CDH12: variants seen among roughly 807,000 people sequenced by gnomAD.
The protein encoded by CDH12 is cadherin 12, also known as cadherin-12.
Under a neutral mutation model 74.1 loss-of-function variants are expected in CDH12, and 41 were observed. That is an observed-to-expected ratio of 0.55 (90% CI 0.43 to 0.72). CDH12 has a LOEUF of 0.72. CDH12 is among the 30% of genes least tolerant of loss of function. CDH12 has a pLI of 0.00. For synonymous variants in CDH12, 399 were observed against 355.0 expected, an observed-to-expected ratio of 1.12 and a Z score of -1.39; for missense variants, 945 against 977.2, an observed-to-expected ratio of 0.97 and a Z score of 0.44.
intron 2 of CDH12, among the ~76,000 whole-genome samples, chr5:22,460,200 T>C (rs1179890714): frequency 3.3e-5 from 5 of 152,230 alleles, no homozygotes; most frequent in Non-Finnish European, 7.3e-5. Context: ...GGTTTTGTTT[T>C]ACTTTTACCT....
intron 5 of CDH12, among the ~76,000 whole-genome samples, chr5:22,069,367 A>G (rs2150214762): frequency 6.6e-6 from 1 of 152,154 alleles, no homozygotes; most frequent in East Asian, 1.9e-4. Context: ...TCTCTAGGAG[A>G]CTAAAAATGC....
chr5:22,266,353 G>A (rs763483095), intron 3 of CDH12, among the ~76,000 whole-genome samples: 6 of 152,044 alleles, frequency 3.9e-5, no homozygotes, highest in Admixed American at 2.0e-4. Flanking sequence ...GATTACAGGT[G>A]TGAGCCACCA....
chr5:22,678,482 T>C (rs1264662432), intron 1 of CDH12, among the ~76,000 whole-genome samples: 1 of 152,170 alleles, frequency 6.6e-6, no homozygotes, highest in Admixed American at 6.6e-5. Context: ...TCATAAAGAA[T>C]GAATGAATGG....
At chr5:22,142,191 T>C (rs1746840827) in intron 4 of CDH12, among the ~76,000 whole-genome samples, 1 of 152,148 alleles carries the variant, frequency 6.6e-6, no homozygotes, top group Non-Finnish European at 1.5e-5. Context: ...TAAAGTTGAA[T>C]ATAAACAGAA....
At chr5:22,665,393 A>G (rs947897936) in intron 1 of CDH12, among the ~76,000 whole-genome samples, 4 of 152,206 alleles carry the variant, frequency 2.6e-5, no homozygotes, top group African/African-American at 9.6e-5. Flanking sequence ...AACTGGAGGA[A>G]AGTGAATTAT....
intron 1 of CDH12, among the ~76,000 whole-genome samples, chr5:22,737,541 T>A (rs1424440870): frequency 5.9e-5 from 9 of 151,880 alleles, no homozygotes; most frequent in Admixed American, 5.9e-4. Flanking sequence ...TTAATAAGAC[T>A]TAGCTGAAAG....
chr5:21,845,031 A>ATAGAT (rs1750089539), intron 7 of CDH12, among the ~76,000 whole-genome samples: 3 of 149,888 alleles, frequency 2.0e-5, no homozygotes, highest in African/African-American at 5.0e-5. Context: ...AGATAGATAG[A>ATAGAT]TAGATTAGAT....
At chr5:22,242,349 T>C (rs1240295361) in intron 3 of CDH12, among the ~76,000 whole-genome samples, 1 of 152,188 alleles carries the variant, frequency 6.6e-6, no homozygotes, top group Non-Finnish European at 1.5e-5. Flanking sequence ...AAATGACACT[T>C]CTATATTTTT....
chr5:22,298,721 A>T (rs1033934221), intron 3 of CDH12, among the ~76,000 whole-genome samples: 2 of 152,212 alleles, frequency 1.3e-5, no homozygotes, highest in Non-Finnish European at 2.9e-5. Context: ...CTGCCAAGAT[A>T]CTTGCTATGG....
At chr5:22,545,809 G>T (rs964496928) in intron 1 of CDH12, among the ~76,000 whole-genome samples, 42 of 152,236 alleles carry the variant, frequency 2.8e-4, no homozygotes, top group African/African-American at 9.6e-4. Flanking sequence ...AGTACAAGGT[G>T]AAATCACAGC....
chr5:22,675,886 T>TATATATATATATATATAC (rs1364470668), intron 1 of CDH12, among the ~76,000 whole-genome samples: 1 of 145,268 alleles, frequency 6.9e-6, no homozygotes, highest in Admixed American at 7.0e-5. Context: ...TATATATATA[T>TATATATATATATATATAC]ACTTTTGTTT....
At chr5:22,846,390 C>A (rs1369842920) in intron 1 of CDH12, among the ~76,000 whole-genome samples, 1 of 152,090 alleles carries the variant, frequency 6.6e-6, no homozygotes, top group East Asian at 1.9e-4. Context: ...GATGCAATTA[C>A]CCCTTCAGTG....
chr5:22,382,831 T>G (rs1208929386), intron 3 of CDH12, among the ~76,000 whole-genome samples: 1 of 152,066 alleles, frequency 6.6e-6, no homozygotes, highest in Non-Finnish European at 1.5e-5. Context: ...TTATTATTAT[T>G]ATTATTATTA....
chr5:21,862,860 C>T (rs1349051070), intron 6 of CDH12, among the ~76,000 whole-genome samples: 1 of 152,016 alleles, frequency 6.6e-6, no homozygotes, highest in Non-Finnish European at 1.5e-5. Context: ...ATCACTCTGC[C>T]ATTGTCTTAA....
At chr5:21,978,418 T>C (rs1757160112) in intron 5 of CDH12, among the ~76,000 whole-genome samples, 2 of 152,144 alleles carry the variant, frequency 1.3e-5, no homozygotes, top group Non-Finnish European at 2.9e-5. Context: ...GCTGGGATTA[T>C]CGGCATGAGC....
At position 22,305,828 on chromosome 5, in the gene CDH12, C is replaced by G. The variant is rs764255703; in HGVS notation, c.-332-93185G>C. Among the ~76,000 whole-genome samples the G allele has an allele frequency of 2.0e-5, 3 of 152,340 alleles. No homozygotes were observed. In the South Asian group the frequency reaches 6.2e-4, roughly 32 times the overall value. On this transcript the variant is annotated intron_variant, in intron 3 of 14. Transcript: ENST00000382254. ...TGTTTTCTATCTGTTACTTCCCTTA[C>G]AGCTTTGCTGCGACTACCTTGATCC... is the stretch of plus-strand genomic sequence containing the variant.
intron 3 of CDH12, among the ~76,000 whole-genome samples, chr5:22,345,760 T>C (rs1740081218): frequency 6.6e-6 from 1 of 152,182 alleles, no homozygotes; most frequent in Non-Finnish European, 1.5e-5. Context: ...AGATACGCTA[T>C]GTACAACCAC....
chr5:21,971,630 C>T (rs1319907068), intron 6 of CDH12, among the ~76,000 whole-genome samples: 1 of 152,060 alleles, frequency 6.6e-6, no homozygotes, highest in Admixed American at 6.5e-5. Flanking sequence ...AACCTGTCAG[C>T]ATTGTAGGAA....
At chr5:22,384,909 A>G (rs1289485398) in intron 3 of CDH12, among the ~76,000 whole-genome samples, 1 of 152,162 alleles carries the variant, frequency 6.6e-6, no homozygotes, top group Non-Finnish European at 1.5e-5. Context: ...TAAATTCCCT[A>G]CATTTGTTCT....
Sources: allele counts gnomAD v4.1 joint callset (sites outside exome capture counted in the v4.1 genomes callset), GRCh38; gene constraint gnomAD v4.1.1; transcripts MANE v1.5; gene names NCBI Gene and HGNC (gene_info 2026-07-23, HGNC 2026-07-21).